Variants in ARPC5 observed in about 807,000 individuals in gnomAD.
ARPC5 encodes the protein actin-related protein 2/3 complex subunit 5.
Under a neutral mutation model 15.4 loss-of-function variants are expected in ARPC5, and 5 were observed. The ratio of observed to expected loss-of-function variants is 0.32; its 90% confidence interval spans 0.17 to 0.68. The LOEUF (loss-of-function observed/expected upper bound fraction) is 0.68, where lower values mean the gene tolerates loss of function less well. Among genes scored for constraint, ARPC5 ranks in the 30% least tolerant of loss-of-function variants. The pLI is 0.71. For missense variants in ARPC5, 138 were observed against 192.8 expected, an observed-to-expected ratio of 0.72 and a Z score of 1.68; for synonymous variants, 85 against 72.2, an observed-to-expected ratio of 1.18 and a Z score of -0.90.
intron 2 of ARPC5, chr1:183,631,563 G>C (rs1270276983): frequency 8.1e-6 from 1 of 123,262 alleles, no homozygotes; most frequent in Non-Finnish European, 1.6e-5. Context: ...CTGGGTGATA[G>C]AGTGAGACTC....
Position 183,623,286 on chromosome 1 carries a change from C to T in ARPC5, c.*4246G>A. ...AAACATAGATTATTTATGTTGATTA[C>T]TCTTACACACTCAAGTAACAGAAAT... On this transcript the variant is annotated 3_prime_UTR_variant, in exon 4 of 4. Transcript: ENST00000359856. 1 of 790,558 alleles carries T rather than the reference C, an allele frequency of 1.3e-6. No homozygotes were observed. Among genetic ancestry groups the T allele is most frequent in the South Asian group, 1.7e-5 (1 of 59,496 alleles). The allele number at this position is 790,558 out of a possible 1,614,324, so 49.0% of individuals were successfully genotyped here.
Position 183,635,769 on chromosome 1 carries a change from G to C in ARPC5, c.-110C>G. On this transcript the variant is annotated 5_prime_UTR_variant, in exon 1 of 4. Coordinates refer to ENST00000359856, the MANE Select transcript of ARPC5 (RefSeq NM_005717.4). ...CTGATTCACTTCCCTCTTCCGCTCT[G>C]AGGCGTCGCCGACTGCCGCGGCTCG... The C allele has an allele frequency of 4.8e-6, 7 of 1,455,354 alleles. No homozygotes were observed. The highest frequency in any genetic ancestry group is 5.5e-6 in the Non-Finnish European group (6 of 1,083,378). The allele number at this position is 1,455,354 out of a possible 1,614,324, so 90.2% of individuals were successfully genotyped here. A position where few individuals can be genotyped will look rare whatever the true frequency, so the allele number is the denominator to read the frequency against.
Position 183,623,384 on chromosome 1 carries a change from G to C in ARPC5, c.*4148C>G. The C allele has an allele frequency of 6.5e-7, 1 of 1,547,942 alleles. No individual in the cohort carries two copies. Among genetic ancestry groups the C allele is most frequent in the Middle Eastern group, 1.7e-4 (1 of 5,988 alleles). On this transcript the variant is annotated 3_prime_UTR_variant, in exon 4 of 4. Transcript: ENST00000359856. ...CTTGTGGTTGGATCATCAATGTGGT[G>C]AAGTAGCACCACCTTGAGGCAGATG... is the stretch of plus-strand genomic sequence containing the variant.
intron 3 of ARPC5, among the ~76,000 whole-genome samples, chr1:183,629,990 T>A (rs1402911774): frequency 6.6e-6 from 1 of 152,210 alleles, no homozygotes; most frequent in Non-Finnish European, 1.5e-5. Flanking sequence ...AAAATATTAG[T>A]TCTTTTGTGT....
chr1:183,628,804 C>T (rs1323493535), intron 3 of ARPC5, among the ~76,000 whole-genome samples: 1 of 152,178 alleles, frequency 6.6e-6, no homozygotes, highest in African/African-American at 2.4e-5. Context: ...AGGAAAAAGG[C>T]TGGCATTGCT....
Position 183,630,308 on chromosome 1 carries a change from T to C in ARPC5, c.393+153A>G, listed in dbSNP as rs970377456. ...CAGAATCTCTTAAGACCAAGGCTAG[T>C]AAACATAAATATGAACTATCCTTTT... On this transcript the variant is annotated intron_variant, in intron 3 of 3. Transcript: ENST00000359856. The C allele has an allele frequency of 5.0e-5, 28 of 565,216 alleles. No individual in the cohort carries two copies. The East Asian group carries it at 8.7e-4, about 18-fold the overall frequency. 35.0% of individuals were successfully genotyped at this position (565,216 alleles called of 1,614,324 possible).
chr1:183,635,573 ATCT>A lies in ARPC5; in HGVS notation c.84_86del (p.Glu28del). 8 of 1,613,448 alleles carry A rather than the reference ATCT, an allele frequency of 5.0e-6. No homozygotes were observed. Among genetic ancestry groups the A allele is most frequent in the Non-Finnish European group, 6.8e-6 (8 of 1,179,826 alleles). On this transcript the variant is annotated inframe_deletion, in exon 1 of 4. Coordinates refer to ENST00000359856, the MANE Select transcript of ARPC5 (RefSeq NM_005717.4). ...CGGGCCCGGCCTGGCCGTCGCCCCC[ATCT>A]TCTTCGTCCACGAACTTGTTCTCGT...
At position 183,627,285 on chromosome 1, in the gene ARPC5, A is replaced by T; in HGVS notation, c.*247T>A. 1 of 528,976 alleles carries T rather than the reference A, an allele frequency of 1.9e-6. No individual in the cohort carries two copies. 32.8% of individuals were successfully genotyped at this position (528,976 alleles called of 1,614,324 possible). On this transcript the variant is annotated 3_prime_UTR_variant, in exon 4 of 4. Transcript: ENST00000359856. ...TAAATTATACTATATACAGATTGGT[A>T]TAAACATCACTGAAATGGTTTTGAA... is the stretch of plus-strand genomic sequence containing the variant.
At chr1:183,634,914 CTT>C (rs76444004) in intron 1 of ARPC5, among the ~76,000 whole-genome samples, 81 of 125,782 alleles carry the variant, frequency 6.4e-4, no homozygotes, top group African/African-American at 1.0e-3. Flanking sequence ...TCTTCTTCTT[CTT>C]TTTTTTTTTT....
intron 3 of ARPC5, 99 bp from the exon 4 acceptor site, chr1:183,627,693 T>TAG: frequency 1.1e-6 from 1 of 906,022 alleles, no homozygotes; most frequent in Non-Finnish European, 1.9e-6. Flanking sequence ...GGCACTGCTA[T>TAG]AGACCCTGAA....
chr1:183,631,422 A>T (rs956554767), intron 2 of ARPC5: 3 of 151,934 alleles, frequency 2.0e-5, no homozygotes, highest in Admixed American at 6.5e-5. Context: ...TCTACTAAAA[A>T]TACAGAAATT....
rs1189888609 is a variant in ARPC5 at position 183,626,324 on chromosome 1, G to C, written c.*1208C>G. ...AATTTCTGCACCAGTTTGCACATAAGTCAGTGATTACAAAACTGGCATCCA... is the reference window on the plus strand; with the variant it reads ...AATTTCTGCACCAGTTTGCACATAACTCAGTGATTACAAAACTGGCATCCA... On this transcript the variant is annotated 3_prime_UTR_variant, in exon 4 of 4. Transcript: ENST00000359856. 1 of 152,210 alleles carries C rather than the reference G, an allele frequency of 6.6e-6. No individual in the cohort carries two copies. The highest frequency in any genetic ancestry group is 1.5e-5 in the Non-Finnish European group (1 of 68,036). The allele number at this position is 152,210 out of a possible 1,614,324, so 9.4% of individuals were successfully genotyped here.
rs1648931297 is a variant in ARPC5, at chr1:183,621,419, T to C, written c.*6113A>G. ...ATGGTTAAGTAAATTATGGTACATTTATTTATATAATAGAATTATTATGCA... is the reference window on the plus strand; with the variant it reads ...ATGGTTAAGTAAATTATGGTACATTCATTTATATAATAGAATTATTATGCA... On this transcript the variant is annotated 3_prime_UTR_variant, in exon 4 of 4. Coordinates refer to ENST00000359856, the MANE Select transcript of ARPC5 (RefSeq NM_005717.4). 1 of 152,252 alleles carries C rather than the reference T, an allele frequency of 6.6e-6. No homozygotes were observed. Among genetic ancestry groups the C allele is most frequent in the Non-Finnish European group, 1.5e-5 (1 of 68,046 alleles). 9.4% of individuals were successfully genotyped at this position (152,252 alleles called of 1,614,324 possible).
chr1:183,630,498 T>C lies in ARPC5; in HGVS notation c.356A>G (p.Asp119Gly). The C allele has an allele frequency of 6.2e-7, 1 of 1,613,792 alleles. No homozygotes were observed. The change falls in exon 3 of 4, where the codon GAC (aspartate) becomes GGC (glycine). Residue 119 changes from aspartate to glycine, a missense_variant. Around this residue, in one of 3 missense-constraint regions of ARPC5, gnomAD observed 121 missense variants for 153.7 expected, o/e 0.79. Coordinates refer to ENST00000359856, the MANE Select transcript of ARPC5 (RefSeq NM_005717.4). ...TTGCAGTAACATAGCACTGCTATTG[T>C]CAGACGGGCTCTCAAATCCTTTATA... ...YIYKGFESPS[D>G]NSSAMLLQWH... is the part of the protein sequence containing the mutation.
At chr1:183,630,421 T>A (rs769089185) in intron 3 of ARPC5, 40 bp downstream of exon 3, 5 of 1,473,512 alleles carry the variant, frequency 3.4e-6, no homozygotes, top group Admixed American at 2.1e-5. Context: ...TTCCCTATTG[T>A]AAAAGAACCA....
Position 183,626,022 on chromosome 1 carries a change from G to C in ARPC5, c.*1510C>G, listed in dbSNP as rs1185436610. On this transcript the variant is annotated 3_prime_UTR_variant, in exon 4 of 4. Transcript: ENST00000359856. ...CTATGGAATCACTCCAAAGGCTTCA[G>C]TAGTGCTCTGACATCATTCATGACT... 1 of 152,190 alleles carries C rather than the reference G, an allele frequency of 6.6e-6. No individual in the cohort carries two copies. Among genetic ancestry groups the C allele is most frequent in the Non-Finnish European group, 1.5e-5 (1 of 68,048 alleles). 9.4% of individuals were successfully genotyped at this position (152,190 alleles called of 1,614,324 possible).
At position 183,632,993 on chromosome 1, in the gene ARPC5, T is replaced by G; in HGVS notation, c.216+89A>C. On this transcript the variant is annotated intron_variant, in intron 2 of 3. Transcript: ENST00000359856. The stretch of plus-strand genomic sequence containing the variant: ...TTCTATGTCAAAGATAGCAAACAGT[T>G]AAAATATTGATTTTTTTTTGCAACT... 2.1e-5 allele frequency: 22 copies of G among 1,031,436 alleles called. No individual in the cohort carries two copies. In the South Asian group the frequency reaches 3.4e-4, roughly 16 times the overall value. The allele number at this position is 1,031,436 out of a possible 1,614,324, so 63.9% of individuals were successfully genotyped here.
In ARPC5 at chr1:183,635,693, G is replaced by T. The variant is rs367883534; in HGVS notation, c.-34C>A. On this transcript the variant is annotated 5_prime_UTR_variant, in exon 1 of 4. Coordinates refer to ENST00000359856, the MANE Select transcript of ARPC5 (RefSeq NM_005717.4). ...CGACCAGCGGCAAAGGCCTCTTCTT[G>T]GCGCTGCCTCTACCTCAGCAAGCCC... 3 of 1,601,344 alleles carry T rather than the reference G, an allele frequency of 1.9e-6. No individual in the cohort carries two copies. Among genetic ancestry groups the T allele is most frequent in the Non-Finnish European group, 2.6e-6 (3 of 1,173,164 alleles).
intron 1 of ARPC5, among the ~76,000 whole-genome samples, chr1:183,634,488 T>C (rs16861318): frequency 0.012 from 1,899 of 152,344 alleles, 44 homozygotes; most frequent in African/African-American, 0.044. Context: ...GAATTAGAAA[T>C]GCATACAAAT....
Sources: gnomAD v4.1 joint callset for allele counts (sites outside exome capture counted in the v4.1 genomes callset) on GRCh38, gnomAD v4.1.1 for gene constraint, gnomAD v4.1.1 regional missense constraint, MANE v1.5 for transcripts, NCBI Gene and HGNC (gene_info 2026-07-23, HGNC 2026-07-21) for gene names.